The following CNTNAP2 variants were observed in gnomAD, a reference collection of about 807,000 sequenced individuals.
The protein encoded by CNTNAP2 is contactin associated protein 2.
Under a neutral mutation model 155.2 loss-of-function variants are expected in CNTNAP2, and 98 were observed. The ratio of observed to expected loss-of-function variants is 0.63; its 90% confidence interval spans 0.54 to 0.75. The LOEUF is 0.75. CNTNAP2 is among the 30% of genes least tolerant of loss of function. CNTNAP2 has a pLI of 0.00. For synonymous variants in CNTNAP2, 651 were observed against 631.2 expected (o/e 1.03, Z -0.47); for missense variants, 1,727 against 1,688.1 (o/e 1.02, Z -0.40).
intron 1 of CNTNAP2, among the ~76,000 whole-genome samples, chr7:146,297,050 T>G (rs778559128): frequency 2.6e-5 from 4 of 152,094 alleles, no homozygotes; most frequent in Non-Finnish European, 2.9e-5. Context: ...TAATATTACT[T>G]TTCAAGAAGA....
At chr7:148,146,414 G>T (rs1349856095) in intron 16 of CNTNAP2, among the ~76,000 whole-genome samples, 1 of 152,186 alleles carries the variant, frequency 6.6e-6, no homozygotes, top group African/African-American at 2.4e-5. Flanking sequence ...GCACTAGGTG[G>T]TCACTGAGGA....
intron 1 of CNTNAP2, among the ~76,000 whole-genome samples, chr7:146,519,328 T>G (rs1482751313): frequency 1.3e-5 from 2 of 151,824 alleles, no homozygotes; most frequent in Non-Finnish European, 2.9e-5. Flanking sequence ...ATTTGAGGCT[T>G]GAGAAGAGGG....
rs185829121 is a variant in CNTNAP2 at position 146,457,118 on chromosome 7, A to T, written c.98-317153A>T. On this transcript the variant is annotated intron_variant, in intron 1 of 23. Transcript: ENST00000361727. Reference sequence around the variant, plus strand: ...GCACTATGGAATCAAGCCTGAGAGGATCAGAATCATCATTTGTCATTTGCT... The same window carrying T: ...GCACTATGGAATCAAGCCTGAGAGGTTCAGAATCATCATTTGTCATTTGCT... 6.6e-4 allele frequency among the ~76,000 whole-genome samples: 100 copies of T among 152,262 alleles called. No individual in the cohort carries two copies. The Middle Eastern group carries it at 0.01, about 16-fold the overall frequency.
chr7:148,171,626 G>A (rs1285883435), intron 17 of CNTNAP2, among the ~76,000 whole-genome samples: 1 of 152,182 alleles, frequency 6.6e-6, no homozygotes, highest in Non-Finnish European at 1.5e-5. Context: ...TTAGACAAAA[G>A]CAATGAAATC....
intron 13 of CNTNAP2, among the ~76,000 whole-genome samples, chr7:147,655,894 T>C (rs924197153): frequency 3.9e-5 from 6 of 152,354 alleles, no homozygotes; most frequent in South Asian, 2.1e-4. Flanking sequence ...CCTCTTCCAA[T>C]AGAAAGATGT....
At chr7:147,287,290 C>T (rs897630321) in intron 8 of CNTNAP2, among the ~76,000 whole-genome samples, 2 of 151,688 alleles carry the variant, frequency 1.3e-5, no homozygotes, top group African/African-American at 4.8e-5. Context: ...CGGGAGATGG[C>T]GAAGGATGAG....
intron 3 of CNTNAP2, among the ~76,000 whole-genome samples, chr7:146,988,929 G>T (rs1041138017): frequency 1.3e-5 from 2 of 152,158 alleles, no homozygotes; most frequent in Non-Finnish European, 2.9e-5. Context: ...TCAGCTTCCT[G>T]ATGAACATTT....
At chr7:146,139,631 C>CT (rs957567970) in intron 1 of CNTNAP2, among the ~76,000 whole-genome samples, 29 of 151,466 alleles carry the variant, frequency 1.9e-4, no homozygotes, top group African/African-American at 5.8e-4. Context: ...AGTTATCATT[C>CT]TTTTTTTTTC....
chr7:147,459,064 G>A (rs1339180678), intron 10 of CNTNAP2, among the ~76,000 whole-genome samples: 1 of 152,194 alleles, frequency 6.6e-6, no homozygotes. Flanking sequence ...TTTCAGCAGT[G>A]ATGGAGATAT....
chr7:147,222,260 A>G (rs1041080181), intron 8 of CNTNAP2, among the ~76,000 whole-genome samples: 2 of 150,758 alleles, frequency 1.3e-5, no homozygotes, highest in African/African-American at 4.9e-5. Context: ...ATATTCTGTT[A>G]TAGTTTTTTT....
chr7:146,933,751 A>AG (rs1796840717), intron 3 of CNTNAP2, among the ~76,000 whole-genome samples: 1 of 151,662 alleles, frequency 6.6e-6, no homozygotes. Flanking sequence ...AGAAAAAAAA[A>AG]CAAACAACCC....
chr7:147,659,114 C>T (rs1278381060), intron 13 of CNTNAP2, among the ~76,000 whole-genome samples: 1 of 152,068 alleles, frequency 6.6e-6, no homozygotes, highest in African/African-American at 2.4e-5. Context: ...AATTTCCTTT[C>T]CAAAGAGTAG....
intron 17 of CNTNAP2, among the ~76,000 whole-genome samples, chr7:148,158,004 C>T (rs192364505): frequency 7.2e-5 from 11 of 152,206 alleles, no homozygotes; most frequent in African/African-American, 2.6e-4. Flanking sequence ...ACCTGCTGGG[C>T]CACCACGCTC....
At chr7:146,474,596 T>A (rs1796847691) in intron 1 of CNTNAP2, among the ~76,000 whole-genome samples, 1 of 152,100 alleles carries the variant, frequency 6.6e-6, no homozygotes, top group Non-Finnish European at 1.5e-5. Context: ...AAAGAATCAT[T>A]ATTGATTTTA....
intron 10 of CNTNAP2, among the ~76,000 whole-genome samples, chr7:147,447,520 A>G (rs555799386): frequency 6.6e-6 from 1 of 152,128 alleles, no homozygotes; most frequent in South Asian, 2.1e-4. Context: ...GGTTCAAGCA[A>G]TTCTCCTGTC....
At chr7:146,512,224 G>A (rs1797478283) in intron 1 of CNTNAP2, among the ~76,000 whole-genome samples, 1 of 150,622 alleles carries the variant, frequency 6.6e-6, no homozygotes, top group Non-Finnish European at 1.5e-5. Flanking sequence ...TTGATTATCT[G>A]TTTTTAAAAA....
intron 19 of CNTNAP2, among the ~76,000 whole-genome samples, chr7:148,224,716 T>A (rs1795814961): frequency 6.6e-6 from 1 of 152,142 alleles, no homozygotes; most frequent in African/African-American, 2.4e-5. Flanking sequence ...ACTGGGCAAT[T>A]TATAAACGAA....
chr7:147,466,395 A>C (rs1208591300), intron 10 of CNTNAP2, among the ~76,000 whole-genome samples: 2 of 152,176 alleles, frequency 1.3e-5, no homozygotes, highest in Non-Finnish European at 2.9e-5. Context: ...TGGAGGGAAA[A>C]TTAGAGTGAT....
chr7:147,587,564 G>A lies in CNTNAP2; in HGVS notation c.1897+25307G>A, dbSNP rs187581679. Among the ~76,000 whole-genome samples, 16 of 152,248 alleles carry A rather than the reference G, an allele frequency of 1.1e-4. No homozygotes were observed. In the South Asian group the frequency reaches 1.2e-3, roughly 12 times the overall value. On this transcript the variant is annotated intron_variant, in intron 12 of 23. Transcript: ENST00000361727. ...TTACCTAAACTCAATTGTAACACTAGACTGCTGCTGAACGTCATGCTTATA... is the reference window on the plus strand; with the variant it reads ...TTACCTAAACTCAATTGTAACACTAAACTGCTGCTGAACGTCATGCTTATA...
Sources: allele counts gnomAD v4.1 joint callset (sites outside exome capture counted in the v4.1 genomes callset), GRCh38; gene constraint gnomAD v4.1.1; transcripts MANE v1.5; gene names NCBI Gene and HGNC (gene_info 2026-07-23, HGNC 2026-07-21).